Variants in SEPTIN7 observed in about 807,000 individuals in gnomAD.
The protein encoded by SEPTIN7 is septin-7.
SEPTIN7 carries 10 observed loss-of-function variants against 63.3 expected under a neutral mutation model. That is an observed-to-expected ratio of 0.16 (90% CI 0.10 to 0.27). The LOEUF (loss-of-function observed/expected upper bound fraction) is 0.27. Among genes scored for constraint, SEPTIN7 ranks in the 10% least tolerant of loss-of-function variants. SEPTIN7 has a pLI of 1.00. For missense variants in SEPTIN7, 310 were observed against 521.0 expected, an observed-to-expected ratio of 0.59 and a Z score of 3.94; for synonymous variants, 131 against 165.3, an observed-to-expected ratio of 0.79 and a Z score of 1.59.
chr7:35,884,880 A>G (rs891600319), intron 9 of SEPTIN7, among the ~76,000 whole-genome samples: 3 of 152,242 alleles, frequency 2.0e-5, no homozygotes, highest in African/African-American at 4.8e-5. Flanking sequence ...TATAACACCA[A>G]GCCTCAGAAG....
intron 3 of SEPTIN7, among the ~76,000 whole-genome samples, chr7:35,857,035 A>ATTTGAGGGAGGTAAAT (rs1481966622): frequency 2.0e-4 from 31 of 152,144 alleles, no homozygotes; most frequent in African/African-American, 7.2e-4. Flanking sequence ...ATCAGATTTG[A>ATTTGAGGGAGGTAAAT]TTTGAGGGAG....
the SEPTIN7 span, among the ~76,000 whole-genome samples, chr7:35,912,417 A>G: frequency 1.3e-5 from 2 of 152,224 alleles, no homozygotes; most frequent in African/African-American, 4.8e-5. Flanking sequence ...CCCATAAGGG[A>G]TACTTTTAGT....
chr7:35,810,771 GTTT>G (rs757177376), intron 1 of SEPTIN7, among the ~76,000 whole-genome samples: 1 of 144,044 alleles, frequency 6.9e-6, no homozygotes, highest in Non-Finnish European at 1.5e-5. Flanking sequence ...GAGTTAATGA[GTTT>G]TTTTTTTTTT....
At chr7:35,868,783 A>T (rs1785971216) in intron 4 of SEPTIN7, among the ~76,000 whole-genome samples, 1 of 152,226 alleles carries the variant, frequency 6.6e-6, no homozygotes. Context: ...GATGAATCTA[A>T]AATGGAAATT....
At chr7:35,804,671 C>T (rs1788207984) in intron 1 of SEPTIN7, among the ~76,000 whole-genome samples, 1 of 152,108 alleles carries the variant, frequency 6.6e-6, no homozygotes, top group South Asian at 2.1e-4. Flanking sequence ...CAATACGGTA[C>T]ATTGAGAAAT....
At chr7:35,805,204 A>G (rs1788254386) in intron 1 of SEPTIN7, among the ~76,000 whole-genome samples, 2 of 152,198 alleles carry the variant, frequency 1.3e-5, no homozygotes, top group Admixed American at 6.5e-5. Flanking sequence ...TTCTAAGCAT[A>G]GAAAAGATGA....
At chr7:35,899,085 G>A (rs774370495) in intron 12 of SEPTIN7, 6 of 152,186 alleles carry the variant, frequency 3.9e-5, no homozygotes, top group Non-Finnish European at 8.8e-5. Flanking sequence ...TGGCAAGAAA[G>A]AAAAGTTGGA....
chr7:35,896,297 A>G (rs541234394), intron 11 of SEPTIN7, among the ~76,000 whole-genome samples: 4 of 152,326 alleles, frequency 2.6e-5, no homozygotes, highest in South Asian at 2.1e-4. Context: ...TATATTTACA[A>G]TCATAATTGT....
At chr7:35,879,472 C>G (rs1264483640) in intron 6 of SEPTIN7, 5 of 154,600 alleles carry the variant, frequency 3.2e-5, no homozygotes, top group African/African-American at 1.3e-4. Flanking sequence ...GAGTGAGACC[C>G]TGTCTTAAAA....
At chr7:35,909,819 A>G (rs1788708371), downstream of SEPTIN7, among the ~76,000 whole-genome samples, 1 of 152,236 alleles carries the variant, frequency 6.6e-6, no homozygotes, top group Non-Finnish European at 1.5e-5. Flanking sequence ...AATGCCCCTC[A>G]ATCCTGGCAA....
chr7:35,901,703 T>A (rs542430977), intron 12 of SEPTIN7: 1 of 152,310 alleles, frequency 6.6e-6, no homozygotes, highest in African/African-American at 2.4e-5. Context: ...TAGAATGTTA[T>A]CAACTCATTT....
intron 1 of SEPTIN7, among the ~76,000 whole-genome samples, chr7:35,813,869 CTA>C (rs1487918514): frequency 6.6e-6 from 1 of 152,088 alleles, no homozygotes; most frequent in East Asian, 1.9e-4. Flanking sequence ...AAATAAGAGA[CTA>C]TCAGTTGTAG....
At chr7:35,893,363 C>A (rs1787764656) in intron 11 of SEPTIN7, among the ~76,000 whole-genome samples, 1 of 152,102 alleles carries the variant, frequency 6.6e-6, no homozygotes, top group Non-Finnish European at 1.5e-5. Flanking sequence ...TCACAAAGTG[C>A]TAATCACACT....
At chr7:35,870,106 T>C (rs1786055002) in intron 4 of SEPTIN7, among the ~76,000 whole-genome samples, 1 of 152,170 alleles carries the variant, frequency 6.6e-6, no homozygotes, top group South Asian at 2.1e-4. Flanking sequence ...ACTAGTTTAG[T>C]TGTGTTTTCT....
chr7:35,826,141 G>A (rs1378734007), intron 1 of SEPTIN7, among the ~76,000 whole-genome samples: 1 of 151,778 alleles, frequency 6.6e-6, no homozygotes, highest in South Asian at 2.1e-4. Flanking sequence ...CATTTAAATG[G>A]CAAATGAATT....
intron 3 of SEPTIN7, among the ~76,000 whole-genome samples, chr7:35,850,260 G>A (rs185801410): frequency 1.4e-4 from 21 of 152,280 alleles, no homozygotes; most frequent in African/African-American, 4.8e-4. Context: ...TTTTTAAAAT[G>A]TCAAGCCCTG....
intron 3 of SEPTIN7, among the ~76,000 whole-genome samples, chr7:35,834,124 A>G (rs2115901994): frequency 6.6e-6 from 1 of 152,090 alleles, no homozygotes; most frequent in East Asian, 1.9e-4. Flanking sequence ...GTAGGTTGGT[A>G]ACATCATCAT....
At chr7:35,831,400 A>G (rs2115879628) in intron 1 of SEPTIN7, 92 bp from the exon 2 acceptor site, 1 of 382,704 alleles carries the variant, frequency 2.6e-6, no homozygotes. Context: ...ATGTCATTAC[A>G]ATTCTTGGAA....
intron 3 of SEPTIN7, among the ~76,000 whole-genome samples, chr7:35,858,608 C>T (rs1056996403): frequency 6.6e-6 from 1 of 152,126 alleles, no homozygotes; most frequent in African/African-American, 2.4e-5. Flanking sequence ...CCCACCTCAG[C>T]TTCCCAAAGT....
Sources: allele counts gnomAD v4.1 joint callset (sites outside exome capture counted in the v4.1 genomes callset), GRCh38; gene constraint gnomAD v4.1.1; transcripts MANE v1.5; gene names NCBI Gene and HGNC (gene_info 2026-07-23, HGNC 2026-07-21).